DDX31: variants seen among roughly 807,000 people sequenced by gnomAD.
DDX31 encodes DEAD-box helicase 31, also known as ATP-dependent DNA helicase DDX31.
In DDX31, 70 loss-of-function variants were observed where a neutral mutation model predicts 91.3. The observed-to-expected ratio is 0.77, with a 90% CI of 0.63 to 0.94. DDX31 has a LOEUF of 0.94. Among genes scored for constraint, DDX31 ranks in the 40% least tolerant of loss-of-function variants. The pLI is 0.00. For synonymous variants in DDX31, 362 were observed against 350.6 expected, an observed-to-expected ratio of 1.03 and a Z score of -0.36; for missense variants, 902 against 925.0, an observed-to-expected ratio of 0.98 and a Z score of 0.32.
In DDX31 at chr9:132,645,983, C is replaced by T. The variant is rs1204814440; in HGVS notation, c.1292G>A (p.Ser431Asn). The T allele has an allele frequency of 6.2e-7, 1 of 1,614,132 alleles. No individual in the cohort carries two copies. The highest frequency in any genetic ancestry group is 1.7e-5 in the Admixed American group (1 of 60,028). ...HYSLFLQTLL[S>N]SSGAPASGQL... Reference sequence around the variant, plus strand: ...CCCTGATGCCGGCGCCCCTGAGCTGCTCAGCAGGGTCTGTAGGAAGAGGCT... The same window carrying T: ...CCCTGATGCCGGCGCCCCTGAGCTGTTCAGCAGGGTCTGTAGGAAGAGGCT... The change falls in exon 13 of 20, where the codon AGC (serine) becomes AAC (asparagine). Residue 431 changes from serine to asparagine, a missense_variant. Coordinates refer to ENST00000372159, the MANE Select transcript of DDX31 (RefSeq NM_022779.9).
intron 14 of DDX31, among the ~76,000 whole-genome samples, chr9:132,637,055 G>C (rs915816847): frequency 4.6e-5 from 7 of 152,130 alleles, no homozygotes; most frequent in Admixed American, 2.0e-4. Context: ...ACTTATCCTG[G>C]TGAAGTAAGA....
rs1835015524 is a variant in DDX31, at chr9:132,662,283, T to C, written c.386A>G (p.Glu129Gly). 6.2e-7 allele frequency: 1 copy of C among 1,614,096 alleles called. No individual in the cohort carries two copies. Among genetic ancestry groups the C allele is most frequent in the South Asian group, 1.1e-5 (1 of 91,092 alleles). ...EKVFTSAAFH[E>G]LGLHPHLIST... ...TACTAAATGTGGGTGGAGGCCCAGC[T>C]CATGAAAAGCAGCTGAAGTAAACAC... Residue 129 changes from glutamate to glycine, a missense_variant, in exon 3 of 20, where the codon GAG becomes GGG. Glu to Gly is a moderately conservative substitution (Grantham distance 98, BLOSUM62 -2). Transcript: ENST00000372159.
intron 19 of DDX31, among the ~76,000 whole-genome samples, chr9:132,599,773 CCT>C (rs1184553267): frequency 6.6e-6 from 1 of 152,196 alleles, no homozygotes; most frequent in Non-Finnish European, 1.5e-5. Flanking sequence ...CAAGTGCACT[CCT>C]CTAATCTGAA....
chr9:132,645,630 G>A (rs1189872354), intron 13 of DDX31, among the ~76,000 whole-genome samples: 1 of 152,154 alleles, frequency 6.6e-6, no homozygotes, highest in African/African-American at 2.4e-5. Flanking sequence ...CAGGGCCTGT[G>A]AGCTCTCTCG....
chr9:132,629,979 G>C lies in DDX31; in HGVS notation c.1631+285C>G, dbSNP rs569007398. Among the ~76,000 whole-genome samples the C allele has an allele frequency of 3.9e-5, 6 of 152,376 alleles. No homozygotes were observed. The East Asian group carries it at 1.2e-3, about 29-fold the overall frequency. On this transcript the variant is annotated intron_variant, in intron 16 of 19. Transcript: ENST00000372159. ...TAAGAGTCCTTTCAGAAGCTGCGAA[G>C]ATGGTGCACACTTATCTTGCAGCAG...
intron 5 of DDX31, among the ~76,000 whole-genome samples, chr9:132,659,177 C>A (rs1025842195): frequency 9.2e-5 from 14 of 152,262 alleles, no homozygotes; most frequent in African/African-American, 3.4e-4. Context: ...GCAGAGAAAC[C>A]AACAGATGGC....
At chr9:132,613,425 G>A (rs1007821845) in intron 18 of DDX31, among the ~76,000 whole-genome samples, 14 of 152,192 alleles carry the variant, frequency 9.2e-5, no homozygotes, top group African/African-American at 2.2e-4. Context: ...CGGGCGCGGT[G>A]GCTCAAGCCT....
chr9:132,660,101 T>A (rs1014404371), intron 4 of DDX31, among the ~76,000 whole-genome samples: 1 of 152,086 alleles, frequency 6.6e-6, no homozygotes, highest in African/African-American at 2.4e-5. Flanking sequence ...TTTGGGAAGC[T>A]GAGGTGGGTG....
At chr9:132,599,851 C>CA (rs1257673748) in intron 19 of DDX31, among the ~76,000 whole-genome samples, 1 of 152,260 alleles carries the variant, frequency 6.6e-6, no homozygotes, top group East Asian at 1.9e-4. Flanking sequence ...GCTGACGACG[C>CA]AAGTCCCCCA....
intron 17 of DDX31, among the ~76,000 whole-genome samples, chr9:132,625,040 C>A (rs1169047005): frequency 1.3e-5 from 2 of 152,068 alleles, no homozygotes; most frequent in Non-Finnish European, 2.9e-5. Flanking sequence ...CACGGGAATA[C>A]TGAGTAAGGG....
At chr9:132,635,492 C>T (rs1833051575) in intron 14 of DDX31, among the ~76,000 whole-genome samples, 1 of 134,676 alleles carries the variant, frequency 7.4e-6, no homozygotes, top group African/African-American at 2.7e-5. Context: ...TGGAGTCTCG[C>T]TCTGTCGCCC....
chr9:132,630,356 T>C lies in DDX31; in HGVS notation c.1539A>G (p.Arg513=), dbSNP rs1832646934. ...SPAEYIHRIG[R]TARIGCHGSS... is the part of the protein sequence containing the mutation. ...TCCCATGGCAGCCAATCCGGGCGGTTCTTCCAATCCGGTGGATGTATTCTG... is the reference window on the plus strand; with the variant it reads ...TCCCATGGCAGCCAATCCGGGCGGTCCTTCCAATCCGGTGGATGTATTCTG... Residue 513 remains arginine (R), a synonymous_variant, in exon 16 of 20, where the codon AGA becomes AGG. Coordinates refer to ENST00000372159, the MANE Select transcript of DDX31 (RefSeq NM_022779.9). 6.2e-7 allele frequency: 1 copy of C among 1,604,734 alleles called. No individual in the cohort carries two copies. Among genetic ancestry groups the C allele is most frequent in the African/African-American group, 1.3e-5 (1 of 74,844 alleles).
intron 12 of DDX31, 87 bp downstream of exon 12, chr9:132,646,734 GGT>G: frequency 8.1e-7 from 1 of 1,242,218 alleles, no homozygotes. Context: ...TCTGATTTTT[GGT>G]GTCTCAACTC....
chr9:132,658,229 G>A (rs1834694856), intron 6 of DDX31: 2 of 699,968 alleles, frequency 2.9e-6, no homozygotes, highest in South Asian at 3.0e-5. Flanking sequence ...CAAGAGTAAG[G>A]AGCTTGGTCT....
chr9:132,646,036 T>C lies in DDX31; in HGVS notation c.1239A>G (p.Ser413=), dbSNP rs144130606. The change falls in exon 13 of 20, where the codon TCA becomes TCG. Residue 413 remains serine (S), a synonymous_variant. Coordinates refer to ENST00000372159, the MANE Select transcript of DDX31 (RefSeq NM_022779.9). ...EEDQKMVVFF[S]SCELVEFHYS... ...AGTGGAACTCCACCAGCTCGCAACT[T>C]GAGAAAAAGACAACCATCTTCTGGT... 4.8e-5 allele frequency: 77 copies of C among 1,613,870 alleles called. No homozygotes were observed. The highest frequency in any genetic ancestry group is 1.0e-4 in the Admixed American group (6 of 59,970).
At chr9:132,607,758 T>G (rs1831104740) in intron 19 of DDX31, among the ~76,000 whole-genome samples, 1 of 152,220 alleles carries the variant, frequency 6.6e-6, no homozygotes, top group African/African-American at 2.4e-5. Flanking sequence ...CATAGTTTGC[T>G]GCAGCCTTGA....
chr9:132,593,943 A>T lies in DDX31; in HGVS notation c.*923T>A, dbSNP rs981106020. 6.7e-6 allele frequency: 1 copy of T among 149,398 alleles called. No individual in the cohort carries two copies. The highest frequency in any genetic ancestry group is 2.5e-5 in the African/African-American group (1 of 40,444). 9.3% of individuals were successfully genotyped at this position (149,398 alleles called of 1,614,324 possible). A position where few individuals can be genotyped will look rare whatever the true frequency, so the allele number is the denominator to read the frequency against. ...TTCTGGACCCCTCTGCAAGTGCCCA[A>T]ATCTTACATTTATTGGGAAATCAAT... On this transcript the variant is annotated 3_prime_UTR_variant, in exon 20 of 20. Coordinates refer to ENST00000372159, the MANE Select transcript of DDX31 (RefSeq NM_022779.9).
chr9:132,652,484 A>G lies in DDX31; in HGVS notation c.597T>C (p.Asp199=), dbSNP rs1834261632. The change falls in exon 7 of 20, where the codon GAT becomes GAC. Residue 199 remains aspartate, a synonymous_variant. Transcript: ENST00000372159. ...QAMESKIQRS[D]GPYALVLVPT... is the part of the protein sequence containing the mutation. ...GCACGAGCACCAGGGCATAGGGGCC[A>G]TCACTGCGCTGTTGACACACAGAAA... 1 of 1,614,216 alleles carries G rather than the reference A, an allele frequency of 6.2e-7. No homozygotes were observed. The highest frequency in any genetic ancestry group is 1.3e-5 in the African/African-American group (1 of 75,082).
chr9:132,667,556 T>G (rs1835396579), intron 1 of DDX31, among the ~76,000 whole-genome samples: 1 of 151,904 alleles, frequency 6.6e-6, no homozygotes, highest in East Asian at 1.9e-4. Context: ...TGAGCAGAGA[T>G]CGCGCCACTG....
Sources: allele counts gnomAD v4.1 joint callset (sites outside exome capture counted in the v4.1 genomes callset), GRCh38; gene constraint gnomAD v4.1.1; transcripts MANE v1.5; gene names NCBI Gene and HGNC (gene_info 2026-07-23, HGNC 2026-07-21).